Variants in SYCP2 observed in about 807,000 individuals in gnomAD.
The protein encoded by SYCP2 is synaptonemal complex lateral element protein.
A neutral mutation model predicts 211.3 loss-of-function variants in SYCP2; 55 were observed. That is an observed-to-expected ratio of 0.26 (90% CI 0.21 to 0.33). SYCP2 has a LOEUF of 0.33. Ranked by LOEUF, SYCP2 falls within the 10% of genes least tolerant of loss-of-function variation. The pLI, the probability that SYCP2 is intolerant of heterozygous loss-of-function variation, is 1.00. For missense variants in SYCP2, 1,731 were observed against 1,752.0 expected, an observed-to-expected ratio of 0.99 and a Z score of 0.21; for synonymous variants, 570 against 555.2, an observed-to-expected ratio of 1.03 and a Z score of -0.37.
At chr20:59,919,073 G>T in intron 7 of SYCP2, 85 bp downstream of exon 7, 1 of 715,632 alleles carries the variant, frequency 1.4e-6, no homozygotes. Flanking sequence ...TTAATACTAG[G>T]ACAACACAAT....
At chr20:59,881,396 A>G in intron 29 of SYCP2, 41 bp downstream of exon 29, 1 of 1,093,982 alleles carries the variant, frequency 9.1e-7, no homozygotes, top group South Asian at 1.5e-5. Flanking sequence ...TTTAAGAGAA[A>G]AAAAAAGATC....
intron 14 of SYCP2, among the ~76,000 whole-genome samples, chr20:59,908,415 C>T (rs1202953977): frequency 6.6e-6 from 1 of 152,128 alleles, no homozygotes; most frequent in Non-Finnish European, 1.5e-5. Flanking sequence ...GACATCACCA[C>T]CTTTTTCCCT....
rs2059676169 is a variant in SYCP2 at position 59,881,362 on chromosome 20, A to G, written c.2714+75T>C. 7 of 800,018 alleles carry G rather than the reference A, an allele frequency of 8.7e-6. 1 individual carries two copies. The highest frequency in any genetic ancestry group is 3.1e-5 in the Admixed American group (1 of 32,130). 49.6% of individuals were successfully genotyped at this position (800,018 alleles called of 1,614,324 possible). The stretch of plus-strand genomic sequence containing the variant: ...TTATTCACTCTTCTCATTTGTTAAA[A>G]AACTCTAAGACTGGGAGGAGATATT... On this transcript the variant is annotated intron_variant, in intron 29 of 44. Coordinates refer to ENST00000357552, the MANE Select transcript of SYCP2 (RefSeq NM_014258.4).
intron 1 of SYCP2, among the ~76,000 whole-genome samples, chr20:59,932,995 G>A (rs114301923): frequency 0.022 from 3,281 of 151,234 alleles, 122 homozygotes; most frequent in African/African-American, 0.076. Context: ...CCGCCGGCAC[G>A]GTGACCCTTT....
chr20:59,886,612 T>A (rs1470975824), intron 25 of SYCP2, 95 bp downstream of exon 25: 1 of 882,974 alleles, frequency 1.1e-6, no homozygotes, highest in African/African-American at 1.8e-5. Flanking sequence ...AAAGTTACAT[T>A]ATCTGAACCT....
chr20:59,917,694 T>G (rs1445925429), intron 7 of SYCP2, among the ~76,000 whole-genome samples: 1 of 152,220 alleles, frequency 6.6e-6, no homozygotes, highest in African/African-American at 2.4e-5. Context: ...TATAAATAAT[T>G]CACCAGCCTC....
Position 59,880,475 on chromosome 20 carries a change from TA to T in SYCP2, c.2773-5del, listed in dbSNP as rs747137339. The T allele has an allele frequency of 1.2e-4, 181 of 1,520,334 alleles. No individual in the cohort carries two copies. In the African/African-American group the frequency reaches 1.5e-3, roughly 13 times the overall value. The allele number at this position is 1,520,334 out of a possible 1,614,324, so 94.2% of individuals were successfully genotyped here. A position where few individuals can be genotyped will look rare whatever the true frequency, so the allele number is the denominator to read the frequency against. On this transcript the variant is annotated splice_region_variant and splice_polypyrimidine_tract_variant and intron_variant, in intron 30 of 44. Coordinates refer to ENST00000357552, the MANE Select transcript of SYCP2 (RefSeq NM_014258.4). ...TCTTTTGATGATTTGTTATAATCTATAAAAAAAAGTTTGAAATGCATGAAGA... is the reference window on the plus strand; with the variant it reads ...TCTTTTGATGATTTGTTATAATCTATAAAAAAAGTTTGAAATGCATGAAGA...
At chr20:59,901,596 CTTATAACGCCA>C (rs1424062890) in intron 16 of SYCP2, 55 bp downstream of exon 16, 2 of 1,033,672 alleles carry the variant, frequency 1.9e-6, no homozygotes, top group African/African-American at 3.3e-5. Flanking sequence ...CGCAATAAAA[CTTATAACGCCA>C]AACTGTTTCC....
chr20:59,876,702 G>C (rs914545319), intron 33 of SYCP2, among the ~76,000 whole-genome samples: 2 of 151,858 alleles, frequency 1.3e-5, no homozygotes, highest in African/African-American at 4.8e-5. Flanking sequence ...GAGATTTTTA[G>C]ACATTAAATC....
intron 39 of SYCP2, among the ~76,000 whole-genome samples, chr20:59,867,014 CAAAAAAAAAA>C (rs779891839): frequency 2.3e-4 from 14 of 60,418 alleles, no homozygotes; most frequent in East Asian, 6.0e-4. Context: ...GGCCTTGGGC[CAAAAAAAAAA>C]AAAAAAAAAA....
intron 39 of SYCP2, among the ~76,000 whole-genome samples, chr20:59,867,014 C>CAAAAAAA (rs779891839): frequency 8.1e-4 from 49 of 60,222 alleles, no homozygotes; most frequent in East Asian, 1.2e-3. Context: ...GGCCTTGGGC[C>CAAAAAAA]AAAAAAAAAA....
At chr20:59,921,231 T>A in intron 4 of SYCP2, 79 bp downstream of exon 4, 2 of 1,265,970 alleles carry the variant, frequency 1.6e-6, no homozygotes, top group Non-Finnish European at 2.2e-6. Flanking sequence ...ATTCATTTTT[T>A]TCTAATGGAG....
At position 59,900,294 on chromosome 20, in the gene SYCP2, A is replaced by T; in HGVS notation, c.1258-10T>A. The T allele has an allele frequency of 1.3e-6, 2 of 1,574,648 alleles. No homozygotes were observed. The highest frequency in any genetic ancestry group is 1.7e-6 in the Non-Finnish European group (2 of 1,166,760). On this transcript the variant is annotated splice_polypyrimidine_tract_variant and intron_variant, in intron 17 of 44. Coordinates refer to ENST00000357552, the MANE Select transcript of SYCP2 (RefSeq NM_014258.4). ...TTTCTGGCACTAGAATCTGTTGGAG[A>T]ATATGAAAAAAAAAGTATTTAAAAC...
At chr20:59,896,628 G>T in intron 18 of SYCP2, 100 bp from the exon 19 acceptor site, 1 of 597,964 alleles carries the variant, frequency 1.7e-6, no homozygotes. Flanking sequence ...ACATGCCAAA[G>T]ATATATGTTT....
At chr20:59,874,823 C>T (rs1381931746) in intron 34 of SYCP2, among the ~76,000 whole-genome samples, 3 of 151,912 alleles carry the variant, frequency 2.0e-5, no homozygotes, top group African/African-American at 7.2e-5. Context: ...AAAATAAAAG[C>T]ATAACCTCAA....
At chr20:59,930,272 A>C (rs1287236814) in intron 2 of SYCP2, among the ~76,000 whole-genome samples, 2 of 152,256 alleles carry the variant, frequency 1.3e-5, no homozygotes, top group Non-Finnish European at 2.9e-5. Flanking sequence ...TAATAAAAAA[A>C]AAATGCTTAA....
intron 2 of SYCP2, among the ~76,000 whole-genome samples, chr20:59,925,623 C>A (rs1399899796): frequency 6.6e-6 from 1 of 151,988 alleles, no homozygotes; most frequent in East Asian, 1.9e-4. Context: ...TAGCCTCTGA[C>A]CTTCCACCTT....
chr20:59,867,934 T>C (rs971221570), intron 38 of SYCP2, 87 bp from the exon 39 acceptor site: 1 of 960,134 alleles, frequency 1.0e-6, no homozygotes, highest in Non-Finnish European at 1.5e-6. Flanking sequence ...AAATCTATCT[T>C]ATTTTCCGAA....
intron 1 of SYCP2, among the ~76,000 whole-genome samples, chr20:59,933,075 C>T (rs1179978964): frequency 6.6e-6 from 1 of 151,988 alleles, no homozygotes; most frequent in East Asian, 1.9e-4. Flanking sequence ...CAGCGCCAAC[C>T]CCCCTTCAGA....
Sources: allele counts gnomAD v4.1 joint callset (sites outside exome capture counted in the v4.1 genomes callset), GRCh38; gene constraint gnomAD v4.1.1; transcripts MANE v1.5; gene names NCBI Gene and HGNC (gene_info 2026-07-23, HGNC 2026-07-21).